Variants in RALY observed in about 807,000 individuals in gnomAD.
RALY encodes the protein RNA-binding protein Raly.
RALY carries 15 observed loss-of-function variants against 30.7 expected under a neutral mutation model. The observed-to-expected ratio is 0.49, with a 90% CI of 0.33 to 0.75. The LOEUF is 0.75. RALY is among the 30% of genes least tolerant of loss of function. The pLI is 0.02. For synonymous variants in RALY, 177 were observed against 170.8 expected (o/e 1.04, Z -0.28); for missense variants, 339 against 414.3 (o/e 0.82, Z 1.58).
At chr20:34,078,114 C>T (rs748994464) in intron 8 of RALY, among the ~76,000 whole-genome samples, 7 of 152,220 alleles carry the variant, frequency 4.6e-5, no homozygotes, top group Non-Finnish European at 7.3e-5. Context: ...CTCCTTTGAG[C>T]GTAGCCTGAT....
chr20:34,001,678 A>C (rs1173962731), intron 1 of RALY, among the ~76,000 whole-genome samples: 1 of 152,244 alleles, frequency 6.6e-6, no homozygotes, highest in Non-Finnish European at 1.5e-5. Context: ...CCAGCAGTAG[A>C]TTTAAAAGGG....
intron 1 of RALY, among the ~76,000 whole-genome samples, chr20:33,999,867 A>G (rs988128486): frequency 3.3e-5 from 5 of 152,042 alleles, no homozygotes; most frequent in African/African-American, 1.2e-4. Flanking sequence ...GCACGTGTCT[A>G]GGTTTATTCA....
intron 2 of RALY, among the ~76,000 whole-genome samples, chr20:34,043,840 G>A (rs2032785303): frequency 6.6e-6 from 1 of 152,182 alleles, no homozygotes; most frequent in Non-Finnish European, 1.5e-5. Context: ...TTTGGAGCCT[G>A]TAGTTGATGA....
chr20:34,042,913 A>G (rs535661707), intron 2 of RALY, among the ~76,000 whole-genome samples: 4 of 152,342 alleles, frequency 2.6e-5, no homozygotes, highest in African/African-American at 9.6e-5. Flanking sequence ...TGTGTCTAAC[A>G]TGACTTTTAA....
chr20:34,000,466 G>A (rs1274799498), intron 1 of RALY, among the ~76,000 whole-genome samples: 1 of 152,190 alleles, frequency 6.6e-6, no homozygotes, highest in Non-Finnish European at 1.5e-5. Flanking sequence ...ATCTGGCCAA[G>A]TATTAATGTT....
chr20:34,017,723 A>C (rs1456588954), intron 1 of RALY: 1 of 152,214 alleles, frequency 6.6e-6, no homozygotes, highest in Non-Finnish European at 1.5e-5. Flanking sequence ...TCATAACTGG[A>C]TGCATTGGAG....
At chr20:34,023,397 G>C (rs989790447) in intron 1 of RALY, among the ~76,000 whole-genome samples, 4 of 152,170 alleles carry the variant, frequency 2.6e-5, no homozygotes, top group African/African-American at 9.7e-5. Context: ...GTTTTGGTGG[G>C]AGAGCCATGG....
At chr20:34,076,122 C>T in intron 6 of RALY, 82 bp downstream of exon 6, 2 of 1,477,116 alleles carry the variant, frequency 1.4e-6, no homozygotes, top group Non-Finnish European at 1.8e-6. Flanking sequence ...TACATTGGAA[C>T]ATAGATAAAA....
intron 1 of RALY, among the ~76,000 whole-genome samples, chr20:34,005,782 C>T (rs1249559681): frequency 6.6e-6 from 1 of 152,046 alleles, no homozygotes; most frequent in Admixed American, 6.6e-5. Context: ...CCGTGGGCAA[C>T]CACTGGTCTT....
chr20:34,044,782 G>A (rs534130070), intron 2 of RALY, among the ~76,000 whole-genome samples: 61 of 152,318 alleles, frequency 4.0e-4, no homozygotes, highest in African/African-American at 1.4e-3. Flanking sequence ...CAGAAAGCCA[G>A]CATTGGAAGG....
chr20:34,052,112 G>T (rs1364888631), intron 2 of RALY, among the ~76,000 whole-genome samples: 1 of 152,088 alleles, frequency 6.6e-6, no homozygotes, highest in Non-Finnish European at 1.5e-5. Flanking sequence ...TCCTCAAATT[G>T]TGTCTTCCTC....
intron 2 of RALY, among the ~76,000 whole-genome samples, chr20:34,055,585 G>A (rs1299044311): frequency 2.0e-5 from 3 of 152,160 alleles, no homozygotes; most frequent in Non-Finnish European, 2.9e-5. Flanking sequence ...TGTGGTCCCT[G>A]CTGTCCAGGA....
intron 1 of RALY, among the ~76,000 whole-genome samples, chr20:34,001,670 A>C (rs553520300): frequency 6.6e-6 from 1 of 152,374 alleles, no homozygotes; most frequent in Non-Finnish European, 1.5e-5. Context: ...AAGCAAGCCC[A>C]GCAGTAGATT....
chr20:34,031,664 G>C (rs986175637), intron 2 of RALY, 60 bp downstream of exon 2: 13 of 152,150 alleles, frequency 8.5e-5, no homozygotes, highest in African/African-American at 2.7e-4. Context: ...AGGGTAACTC[G>C]TTTGGGGATT....
intron 1 of RALY, among the ~76,000 whole-genome samples, chr20:34,025,209 C>T (rs1276182278): frequency 6.6e-6 from 1 of 152,124 alleles, no homozygotes; most frequent in Non-Finnish European, 1.5e-5. Context: ...CTCACTGGTG[C>T]CTTGGTTGCC....
chr20:34,011,665 T>C (rs943889426), intron 1 of RALY, among the ~76,000 whole-genome samples: 2 of 152,184 alleles, frequency 1.3e-5, no homozygotes, highest in Non-Finnish European at 2.9e-5. Flanking sequence ...AGGAAACAGC[T>C]TCTATAACTC....
intron 3 of RALY, among the ~76,000 whole-genome samples, chr20:34,073,232 G>A (rs1004664776): frequency 6.6e-6 from 1 of 151,822 alleles, no homozygotes. Context: ...TGTACCTGAT[G>A]TGTTACGCAT....
At chr20:34,032,680 A>T (rs1198675767) in intron 2 of RALY, among the ~76,000 whole-genome samples, 3 of 152,024 alleles carry the variant, frequency 2.0e-5, no homozygotes, top group African/African-American at 7.2e-5. Context: ...CATTTTATAG[A>T]TGAGGAAATT....
chr20:34,043,430 G>A (rs1302540994), intron 2 of RALY, among the ~76,000 whole-genome samples: 1 of 152,144 alleles, frequency 6.6e-6, no homozygotes, highest in Non-Finnish European at 1.5e-5. Context: ...GTCTCTGGCA[G>A]CGTTTTAATT....
Sources: allele counts gnomAD v4.1 joint callset (sites outside exome capture counted in the v4.1 genomes callset), GRCh38; gene constraint gnomAD v4.1.1; transcripts MANE v1.5; gene names NCBI Gene and HGNC (gene_info 2026-07-23, HGNC 2026-07-21).